The following MYCBP2 variants were observed in gnomAD, a reference collection of about 807,000 sequenced individuals.
MYCBP2 encodes the protein E3 ubiquitin-protein ligase MYCBP2.
A neutral mutation model predicts 525.3 loss-of-function variants in MYCBP2; 120 were observed. The observed-to-expected ratio is 0.23, with a 90% CI of 0.20 to 0.27. The LOEUF is 0.27. MYCBP2 is among the 10% of genes least tolerant of loss of function. MYCBP2 has a pLI of 1.00. For synonymous variants in MYCBP2, 1,894 were observed against 1,955.8 expected (o/e 0.97, Z 0.83); for missense variants, 4,149 against 5,657.1 (o/e 0.73, Z 8.55).
At chr13:77,050,128 T>A (rs2036471428) in intron 82 of MYCBP2, among the ~76,000 whole-genome samples, 1 of 152,156 alleles carries the variant, frequency 6.6e-6, no homozygotes, top group Admixed American at 6.5e-5. Context: ...TATTTGCCCT[T>A]TTTTACTGTC....
intron 1 of MYCBP2, among the ~76,000 whole-genome samples, chr13:77,319,015 A>T (rs2081283802): frequency 6.6e-6 from 1 of 152,204 alleles, no homozygotes; most frequent in Admixed American, 6.5e-5. Flanking sequence ...TTTGTGACAG[A>T]TATTGCTGTG....
chr13:77,252,018 G>T (rs972996133), intron 14 of MYCBP2, among the ~76,000 whole-genome samples: 2 of 152,058 alleles, frequency 1.3e-5, no homozygotes, highest in African/African-American at 4.8e-5. Context: ...CAAAAATTCA[G>T]CTCAGAAGTC....
intron 55 of MYCBP2, among the ~76,000 whole-genome samples, chr13:77,102,811 A>G (rs1285843059): frequency 6.6e-6 from 1 of 151,884 alleles, no homozygotes; most frequent in Non-Finnish European, 1.5e-5. Context: ...TGATTTTTAT[A>G]TTATATAACA....
At chr13:77,263,330 C>G (rs762144381) in intron 10 of MYCBP2, among the ~76,000 whole-genome samples, 1 of 151,892 alleles carries the variant, frequency 6.6e-6, no homozygotes, top group African/African-American at 2.4e-5. Flanking sequence ...AAAAATGATG[C>G]AGCATATAAA....
At chr13:77,294,131 C>CACATATATATATATATATATATATAT (rs1555465826) in intron 2 of MYCBP2, among the ~76,000 whole-genome samples, 1 of 65,692 alleles carries the variant, frequency 1.5e-5, no homozygotes, top group Non-Finnish European at 3.0e-5. Context: ...TATATATATA[C>CACATATATATATATATATATATATAT]ATATATATAT....
chr13:77,295,012 T>C (rs2078019900), intron 2 of MYCBP2, among the ~76,000 whole-genome samples: 1 of 152,162 alleles, frequency 6.6e-6, no homozygotes, highest in Non-Finnish European at 1.5e-5. Context: ...GTATAAGAGA[T>C]TGCCTCTTGC....
chr13:77,319,992 CG>C (rs1199430418), intron 1 of MYCBP2, among the ~76,000 whole-genome samples: 3 of 152,140 alleles, frequency 2.0e-5, no homozygotes, highest in Non-Finnish European at 1.5e-5. Context: ...CAGTGAAAGA[CG>C]TAAGACTGAA....
At chr13:77,114,864 T>C (rs1188163249) in intron 55 of MYCBP2, among the ~76,000 whole-genome samples, 8 of 151,984 alleles carry the variant, frequency 5.3e-5, no homozygotes, top group Admixed American at 5.3e-4. Flanking sequence ...AAATAAAAGT[T>C]GAAAAATGAA....
chr13:77,244,810 C>T (rs80144707), intron 15 of MYCBP2, among the ~76,000 whole-genome samples: 4,492 of 152,154 alleles, frequency 0.03, 95 homozygotes, highest in East Asian at 0.053. Flanking sequence ...AACTTAAACA[C>T]ATTTACAAGA....
intron 73 of MYCBP2, among the ~76,000 whole-genome samples, chr13:77,063,915 C>A (rs186880604): frequency 6.6e-6 from 1 of 152,220 alleles, no homozygotes; most frequent in South Asian, 2.1e-4. Flanking sequence ...TGACTTTTTC[C>A]GCCCTAGGGA....
At chr13:77,216,515 C>T (rs1022881564) in intron 21 of MYCBP2, among the ~76,000 whole-genome samples, 2 of 152,030 alleles carry the variant, frequency 1.3e-5, no homozygotes, top group African/African-American at 2.4e-5. Context: ...ATCAAAATGT[C>T]CATAATCAAT....
intron 17 of MYCBP2, among the ~76,000 whole-genome samples, 169 bp from the exon 18 acceptor site, chr13:77,233,432 C>A (rs1264158925): frequency 1.4e-5 from 2 of 141,852 alleles, no homozygotes; most frequent in Non-Finnish European, 3.1e-5. Flanking sequence ...CACCCATAAC[C>A]TAATCACCAT....
At chr13:77,176,380 T>C in intron 36 of MYCBP2, 117 bp downstream of exon 36, 1 of 785,264 alleles carries the variant, frequency 1.3e-6, no homozygotes, top group East Asian at 3.0e-5. Flanking sequence ...AAGTACCATA[T>C]AAAGGATAAC....
chr13:77,089,195 T>C (rs1452611301), intron 60 of MYCBP2, among the ~76,000 whole-genome samples, 164 bp from the exon 61 acceptor site: 2 of 152,148 alleles, frequency 1.3e-5, no homozygotes, highest in African/African-American at 4.8e-5. Context: ...TTCAGAAAGA[T>C]TAAATATGTT....
intron 1 of MYCBP2, among the ~76,000 whole-genome samples, chr13:77,309,445 A>C (rs550485247): frequency 6.6e-6 from 1 of 152,230 alleles, no homozygotes; most frequent in Non-Finnish European, 1.5e-5. Context: ...GGTTTTACCT[A>C]AAAACCACAG....
intron 1 of MYCBP2, among the ~76,000 whole-genome samples, chr13:77,324,709 T>C (rs1567266657): frequency 6.6e-6 from 1 of 152,246 alleles, no homozygotes; most frequent in Non-Finnish European, 1.5e-5. Flanking sequence ...ACAAATGTTA[T>C]ATGATTAATC....
rs756659206 is a variant in MYCBP2 at position 77,205,577 on chromosome 13, G to A, written c.3611C>T (p.Ala1204Val). The change falls in exon 25 of 83, where the codon GCT becomes GTT. Residue 1204 changes from alanine to valine, a missense_variant. Ala to Val is a moderately conservative substitution (Grantham distance 64, BLOSUM62 0). Transcript: ENST00000544440. ...AACACCCATTTTTAAGTCCTGCATAGCTGCCAAGGTATCAAGACAACCTAA... is the reference window on the plus strand; with the variant it reads ...AACACCCATTTTTAAGTCCTGCATAACTGCCAAGGTATCAAGACAACCTAA... ...HILGCLDTLA[A>V]MQDLKMGVAS... 14 of 1,612,074 alleles carry A rather than the reference G, an allele frequency of 8.7e-6. No homozygotes were observed. Among genetic ancestry groups the A allele is most frequent in the South Asian group, 1.1e-5 (1 of 90,594 alleles).
At chr13:77,144,603 T>C in intron 48 of MYCBP2, 43 bp from the exon 49 acceptor site, 1 of 1,304,694 alleles carries the variant, frequency 7.7e-7, no homozygotes, top group Non-Finnish European at 1.1e-6. Context: ...TACTTTTGGT[T>C]AAGCAGTCAA....
chr13:77,083,304 C>A lies in MYCBP2; in HGVS notation c.10876-112G>T. ...GGTCATGTAACAGAAATACAAACAA[C>A]AAAACCAAATTGTACCCAGAAAGAT... On this transcript the variant is annotated intron_variant, in intron 62 of 82. Transcript: ENST00000544440. 4.3e-6 allele frequency: 4 copies of A among 929,348 alleles called. No individual in the cohort carries two copies. The South Asian group carries it at 6.8e-5, about 16-fold the overall frequency. The allele number at this position is 929,348 out of a possible 1,614,324, so 57.6% of individuals were successfully genotyped here.
Sources: gnomAD v4.1 joint callset for allele counts (sites outside exome capture counted in the v4.1 genomes callset) on GRCh38, gnomAD v4.1.1 for gene constraint, MANE v1.5 for transcripts, NCBI Gene and HGNC (gene_info 2026-07-23, HGNC 2026-07-21) for gene names.